The following PCDHGA6 variants were observed in gnomAD, a reference collection of about 807,000 sequenced individuals.
The protein encoded by PCDHGA6 is protocadherin gamma subfamily A, 6.
A neutral mutation model predicts 60.6 loss-of-function variants in PCDHGA6; 41 were observed. The ratio of observed to expected loss-of-function variants is 0.68; its 90% CI spans 0.53 to 0.88. The LOEUF (loss-of-function observed/expected upper bound fraction) is 0.88, where lower values mean the gene tolerates loss of function less well. Ranked by LOEUF, PCDHGA6 falls within the 40% of genes least tolerant of loss-of-function variation. The pLI is 0.00. For synonymous variants in PCDHGA6, 594 were observed against 524.4 expected (o/e 1.13, Z -1.81); for missense variants, 1,312 against 1,203.0 (o/e 1.09, Z -1.34).
intron 1 of PCDHGA6, among the ~76,000 whole-genome samples, chr5:141,462,769 G>T (rs1462290112): frequency 6.6e-6 from 1 of 151,956 alleles, no homozygotes; most frequent in African/African-American, 2.4e-5. Flanking sequence ...TCCTGGCTTG[G>T]GGTCATAATT....
intron 1 of PCDHGA6, among the ~76,000 whole-genome samples, chr5:141,450,776 C>T (rs757791026): frequency 4.0e-5 from 6 of 151,440 alleles, no homozygotes; most frequent in Non-Finnish European, 8.8e-5. Context: ...CATGAGCCAC[C>T]GTGCCCGGAC....
At chr5:141,421,300 C>A (rs377161386) in intron 1 of PCDHGA6, 2 of 1,613,320 alleles carry the variant, frequency 1.2e-6, no homozygotes, top group African/African-American at 1.3e-5. Context: ...GGGGACGCTG[C>A]GGGGGTTCCG....
chr5:141,388,254 G>A, intron 1 of PCDHGA6: 2 of 1,568,962 alleles, frequency 1.3e-6, no homozygotes, highest in South Asian at 1.1e-5. Context: ...TGTGGAGATC[G>A]AGGACATTAA....
At chr5:141,418,755 G>A (rs1489556538) in intron 1 of PCDHGA6, 8 of 1,613,898 alleles carry the variant, frequency 5.0e-6, no homozygotes, top group South Asian at 1.1e-5. Context: ...TACACTACAG[G>A]AAACATTCTA....
At position 141,490,456 on chromosome 5, in the gene PCDHGA6, C is replaced by G. The variant is rs370141879; in HGVS notation, c.2425-4351C>G. On this transcript the variant is annotated intron_variant, in intron 1 of 3. Transcript: ENST00000517434. The surrounding 1 kb of genome is among the most constrained non-coding windows in gnomAD (Gnocchi z 5.4). The stretch of plus-strand genomic sequence containing the variant: ...TAAGCCTTCTGAGAACCACTACTCG[C>G]TGCTAACCAGCCAGCCTTTGGACCG... 3.7e-6 allele frequency: 6 copies of G among 1,614,114 alleles called. No individual in the cohort carries two copies. Among genetic ancestry groups the G allele is most frequent in the Non-Finnish European group, 5.1e-6 (6 of 1,180,058 alleles).
In PCDHGA6 at chr5:141,476,264, G is replaced by A. The variant is rs753184649; in HGVS notation, c.2425-18543G>A. The A allele has an allele frequency of 2.5e-6, 4 of 1,614,082 alleles. No individual in the cohort carries two copies. The highest frequency in any genetic ancestry group is 3.4e-6 in the Non-Finnish European group (4 of 1,180,010). Reference sequence around the variant, plus strand: ...AGAGAAGGGTTTCGCTGTGGGCAACGTGGTCGCGAACCTTGGTTTGGATCT... The same window carrying A: ...AGAGAAGGGTTTCGCTGTGGGCAACATGGTCGCGAACCTTGGTTTGGATCT... On this transcript the variant is annotated intron_variant, in intron 1 of 3. Coordinates refer to ENST00000517434, the MANE Select transcript of PCDHGA6 (RefSeq NM_018919.3). The surrounding 1 kb of genome is among the most constrained non-coding windows in gnomAD (Gnocchi z 7.6).
chr5:141,393,896 T>G (rs754023896), intron 1 of PCDHGA6: 1 of 1,613,942 alleles, frequency 6.2e-7, no homozygotes, highest in Non-Finnish European at 8.5e-7. Context: ...AAAATTCTCT[T>G]CCCGGGACAG....
chr5:141,399,543 C>T (rs2093831494), intron 1 of PCDHGA6: 3 of 1,614,042 alleles, frequency 1.9e-6, no homozygotes, highest in Non-Finnish European at 2.5e-6. Flanking sequence ...AAGTCTGCGC[C>T]TCGGACCTGG....
intron 1 of PCDHGA6, among the ~76,000 whole-genome samples, chr5:141,453,315 T>A (rs1410108522): frequency 6.6e-6 from 1 of 151,214 alleles, no homozygotes; most frequent in African/African-American, 2.5e-5. Context: ...TTATTTATTT[T>A]AGAGATGGGG....
At position 141,512,750 on chromosome 5, in the gene PCDHGA6, G is replaced by C. The variant is rs538475261; in HGVS notation, c.*1577G>C. The C allele has an allele frequency of 2.6e-5, 4 of 152,894 alleles. No homozygotes were observed. The highest frequency in any genetic ancestry group is 4.4e-5 in the Non-Finnish European group (3 of 68,656). 9.5% of individuals were successfully genotyped at this position (152,894 alleles called of 1,614,324 possible). ...AGCGGGCGGCGGGCTCCGCGCAGCC[G>C]TCTGTCCTTGATCTGCCCGCGGCGG... On this transcript the variant is annotated 3_prime_UTR_variant, in exon 4 of 4. Coordinates refer to ENST00000517434, the MANE Select transcript of PCDHGA6 (RefSeq NM_018919.3).
rs2094308599 is a variant in PCDHGA6 at position 141,402,798 on chromosome 5, C to T, written c.2424+26291C>T. ...TTTCCAGTTCTGCGGCTACACAAAA[C>T]CCGGCAGATACCACAAACCTGCTCC... On this transcript the variant is annotated intron_variant, in intron 1 of 3. Transcript: ENST00000517434. 7.6e-6 allele frequency: 8 copies of T among 1,054,376 alleles called. No individual in the cohort carries two copies. The South Asian group carries it at 1.6e-4, about 20-fold the overall frequency. The allele number at this position is 1,054,376 out of a possible 1,614,324, so 65.3% of individuals were successfully genotyped here. A position where few individuals can be genotyped will look rare whatever the true frequency, so the allele number is the denominator to read the frequency against.
chr5:141,388,395 C>G (rs1445370262), intron 1 of PCDHGA6: 2 of 1,613,810 alleles, frequency 1.2e-6, no homozygotes, highest in Non-Finnish European at 8.5e-7. Flanking sequence ...GCAGAATTAC[C>G]AACTCAGTCC....
At chr5:141,416,217 G>A (rs1224952837) in intron 1 of PCDHGA6, 1 of 152,288 alleles carries the variant, frequency 6.6e-6, no homozygotes, top group Non-Finnish European at 1.5e-5. Flanking sequence ...AACAATGTAT[G>A]CTTAGATTTT....
At chr5:141,503,023 A>T (rs1163676028) in intron 2 of PCDHGA6, among the ~76,000 whole-genome samples, 1 of 141,884 alleles carries the variant, frequency 7.0e-6, no homozygotes, top group African/African-American at 2.6e-5. Context: ...TTTTTTTTTT[A>T]ATATCTATTT....
rs11343387 is a variant in PCDHGA6 at position 141,497,209 on chromosome 5, TGG to T, written c.2483+2352_2483+2353del. On this transcript the variant is annotated intron_variant, in intron 2 of 3. Transcript: ENST00000517434. ...GAGGCAGAGAACAATGTGAGTGTAATGGGGGGGGGAAGATCAGAGAAGGCTTC... is the reference window on the plus strand; with the variant it reads ...GAGGCAGAGAACAATGTGAGTGTAATGGGGGGGAAGATCAGAGAAGGCTTC... Among the ~76,000 whole-genome samples the T allele has an allele frequency of 3.8e-3, 569 of 151,352 alleles. 5 individuals are homozygous for T. Among genetic ancestry groups the T allele is most frequent in the Admixed American group, 0.011 (162 of 15,190 alleles).
intron 1 of PCDHGA6, among the ~76,000 whole-genome samples, chr5:141,481,794 A>C (rs1433830305): frequency 6.6e-6 from 1 of 152,136 alleles, no homozygotes; most frequent in East Asian, 1.9e-4. Context: ...TCTACTAAAA[A>C]TACAAAAATT....
chr5:141,488,441 C>T (rs1320712074), intron 1 of PCDHGA6, among the ~76,000 whole-genome samples: 1 of 152,206 alleles, frequency 6.6e-6, no homozygotes, highest in Non-Finnish European at 1.5e-5. Flanking sequence ...TGACCACCCT[C>T]CTGGGTGACC....
In PCDHGA6 at chr5:141,487,000, G is replaced by A. The variant is rs1410493699; in HGVS notation, c.2425-7807G>A. On this transcript the variant is annotated intron_variant, in intron 1 of 3. Transcript: ENST00000517434. The surrounding 1 kb of genome is among the most constrained non-coding windows in gnomAD (Gnocchi z 5.0). ...GTTACAATGCTTGGGTTTCCTATCA[G>A]CTCCTGGAGGCCCCAGATCCCAGCC... The A allele has an allele frequency of 6.2e-7, 1 of 1,614,194 alleles. No homozygotes were observed. The highest frequency in any genetic ancestry group is 8.5e-7 in the Non-Finnish European group (1 of 1,180,036).
chr5:141,465,454 T>G (rs1031876441), intron 1 of PCDHGA6, among the ~76,000 whole-genome samples: 1 of 152,184 alleles, frequency 6.6e-6, no homozygotes, highest in African/African-American at 2.4e-5. Context: ...AAGAAAACTC[T>G]CACCAAATTG....
Sources: allele counts gnomAD v4.1 joint callset (sites outside exome capture counted in the v4.1 genomes callset), GRCh38; gene constraint gnomAD v4.1.1; non-coding constraint Gnocchi (gnomAD v3.1); transcripts MANE v1.5; gene names NCBI Gene and HGNC (gene_info 2026-07-23, HGNC 2026-07-21).